The following FGD4 variants were observed in gnomAD, a reference collection of about 807,000 sequenced individuals.
The protein encoded by FGD4 is FYVE, RhoGEF and PH domain containing 4.
A neutral mutation model predicts 102.0 loss-of-function variants in FGD4; 42 were observed. The observed-to-expected ratio is 0.41, with a 90% CI of 0.32 to 0.53. The LOEUF (loss-of-function observed/expected upper bound fraction) is 0.53, where lower values mean the gene tolerates loss of function less well. Among genes scored for constraint, FGD4 ranks in the 20% least tolerant of loss-of-function variants. The pLI, the probability that FGD4 is intolerant of heterozygous loss-of-function variation, is 0.21. For synonymous variants in FGD4, 380 were observed against 375.7 expected (o/e 1.01, Z -0.13); for missense variants, 902 against 1,078.2 (o/e 0.84, Z 2.29).
At chr12:32,451,331 A>G (rs892280461) in intron 1 of FGD4, among the ~76,000 whole-genome samples, 13 of 152,190 alleles carry the variant, frequency 8.5e-5, no homozygotes, top group African/African-American at 3.1e-4. Flanking sequence ...TTTAAGGTAT[A>G]AGTAGTAAAG....
In FGD4 at chr12:32,592,508, A is replaced by C. The variant is rs904403908; in HGVS notation, c.1012-5989A>C. Among the ~76,000 whole-genome samples the C allele has an allele frequency of 1.7e-4, 26 of 152,158 alleles. 2 individuals are homozygous for C. The highest frequency in any genetic ancestry group is 2.9e-5 in the Non-Finnish European group (2 of 68,022). Reference sequence around the variant, plus strand: ...AAGGACTGCAAGAATAAATGGCTTCATGGTAAAGCGCTAAGCACAAGTAGT... The same window carrying C: ...AAGGACTGCAAGAATAAATGGCTTCCTGGTAAAGCGCTAAGCACAAGTAGT... On this transcript the variant is annotated intron_variant, in intron 4 of 16. Coordinates refer to ENST00000534526, the MANE Select transcript of FGD4 (RefSeq NM_001370298.3).
intron 7 of FGD4, among the ~76,000 whole-genome samples, chr12:32,602,705 T>C (rs1948500749): frequency 6.6e-6 from 1 of 152,220 alleles, no homozygotes; most frequent in South Asian, 2.1e-4. Context: ...TCACTTGATA[T>C]CTGTGTCCTC....
At chr12:32,582,543 G>T (rs1946701444) in intron 4 of FGD4, 76 bp downstream of exon 4, 1 of 1,570,366 alleles carries the variant, frequency 6.4e-7, no homozygotes, top group Non-Finnish European at 8.6e-7. Context: ...TTTATTTATT[G>T]CACCCCTGAA....
intron 14 of FGD4, among the ~76,000 whole-genome samples, chr12:32,631,811 C>CT (rs1950518861): frequency 6.6e-6 from 1 of 151,964 alleles, no homozygotes; most frequent in African/African-American, 2.4e-5. Context: ...GCCCAAACAG[C>CT]TTTTTTATCA....
At chr12:32,579,194 T>C (rs963242561) in intron 3 of FGD4, among the ~76,000 whole-genome samples, 3 of 152,064 alleles carry the variant, frequency 2.0e-5, no homozygotes, top group African/African-American at 4.8e-5. Flanking sequence ...TTACAAGGCA[T>C]GCACCACCAC....
At chr12:32,556,576 G>C (rs1354146794) in intron 1 of FGD4, among the ~76,000 whole-genome samples, 1 of 152,104 alleles carries the variant, frequency 6.6e-6, no homozygotes, top group South Asian at 2.1e-4. Context: ...AGAATTTCCT[G>C]CTGGGCGCAG....
chr12:32,575,041 A>G (rs1946015530), intron 2 of FGD4, among the ~76,000 whole-genome samples: 1 of 152,184 alleles, frequency 6.6e-6, no homozygotes, highest in South Asian at 2.1e-4. Flanking sequence ...CACTTACGGC[A>G]TATTATTTTA....
chr12:32,481,186 C>T (rs1943754123), intron 1 of FGD4, among the ~76,000 whole-genome samples: 2 of 138,830 alleles, frequency 1.4e-5, no homozygotes, highest in South Asian at 4.9e-4. Context: ...TGCCTGTAAT[C>T]CCAGTACTTT....
chr12:32,424,950 C>A (rs971333820), intron 1 of FGD4, among the ~76,000 whole-genome samples: 2 of 151,900 alleles, frequency 1.3e-5, no homozygotes, highest in African/African-American at 4.8e-5. Flanking sequence ...TGTTTAAGTT[C>A]TTTGTAGATT....
chr12:32,640,977 C>T lies in FGD4; in HGVS notation c.*444C>T, dbSNP rs1951129612. ...GGGACAGTTGAGGCTATTGTATTAA[C>T]TTATTTAATTTAGTTTATAAATCTC... On this transcript the variant is annotated 3_prime_UTR_variant, in exon 17 of 17. Coordinates refer to ENST00000534526, the MANE Select transcript of FGD4 (RefSeq NM_001370298.3). 3 of 193,514 alleles carry T rather than the reference C, an allele frequency of 1.6e-5. No individual in the cohort carries two copies. The Admixed American group carries it at 1.7e-4, about 11-fold the overall frequency. The allele number at this position is 193,514 out of a possible 1,614,324, so 12.0% of individuals were successfully genotyped here. A position where few individuals can be genotyped will look rare whatever the true frequency, so the allele number is the denominator to read the frequency against.
rs182072104 is a variant in FGD4, at chr12:32,570,638, G to A, written c.320-5628G>A. 1.9e-3 allele frequency among the ~76,000 whole-genome samples: 289 copies of A among 151,944 alleles called. 1 individual carries two copies. The highest frequency in any genetic ancestry group is 3.3e-3 in the Admixed American group (50 of 15,248). On this transcript the variant is annotated intron_variant, in intron 2 of 16. Transcript: ENST00000534526. ...TGTATTTTTAGTAGCGTGGGGTTTC[G>A]CCATGTTGTTCAGGCTGGTCTCGAA...
intron 1 of FGD4, among the ~76,000 whole-genome samples, chr12:32,409,530 G>A (rs890629795): frequency 6.6e-6 from 1 of 150,482 alleles, no homozygotes; most frequent in Non-Finnish European, 1.5e-5. Flanking sequence ...CAGGTGATCC[G>A]CCTGCCTCGG....
At chr12:32,600,285 C>T (rs10844251) in intron 5 of FGD4, 90,385 of 246,006 alleles carry the variant, frequency 0.37, 18,612 homozygotes, top group African/African-American at 0.6. Context: ...GTGTGGTTTT[C>T]TAAAGCCAAA....
At chr12:32,400,218 G>A (rs1197152365) in intron 1 of FGD4, among the ~76,000 whole-genome samples, 1 of 152,202 alleles carries the variant, frequency 6.6e-6, no homozygotes, top group South Asian at 2.1e-4. Flanking sequence ...GAAAGTACAG[G>A]TAGAATTCTC....
chr12:32,605,457 A>G (rs777683293), intron 7 of FGD4, among the ~76,000 whole-genome samples: 27 of 152,022 alleles, frequency 1.8e-4, no homozygotes, highest in Middle Eastern at 6.8e-3. Context: ...TGCCTTCTAC[A>G]TTCTTCTTTC....
At chr12:32,521,942 A>G (rs1046477456) in intron 1 of FGD4, among the ~76,000 whole-genome samples, 7 of 152,254 alleles carry the variant, frequency 4.6e-5, no homozygotes, top group Non-Finnish European at 8.8e-5. Context: ...TTGTTTCAAC[A>G]TGATTACTAA....
intron 11 of FGD4, among the ~76,000 whole-genome samples, chr12:32,620,494 C>T (rs1949741620): frequency 6.6e-6 from 1 of 150,404 alleles, no homozygotes; most frequent in African/African-American, 2.4e-5. Flanking sequence ...CTAACATTCC[C>T]CTAGCCATAA....
intron 1 of FGD4, among the ~76,000 whole-genome samples, chr12:32,473,859 G>C (rs561835381): frequency 6.6e-6 from 1 of 152,018 alleles, no homozygotes; most frequent in African/African-American, 2.4e-5. Context: ...AGGCTGAGGC[G>C]GGCAGATAAC....
At chr12:32,429,118 AT>A (rs1192888510) in intron 1 of FGD4, among the ~76,000 whole-genome samples, 2 of 151,822 alleles carry the variant, frequency 1.3e-5, no homozygotes, top group Non-Finnish European at 2.9e-5. Context: ...GGTTTTTGGA[AT>A]TTTCAGTCTT....
Sources: gnomAD v4.1 joint callset for allele counts (sites outside exome capture counted in the v4.1 genomes callset) on GRCh38, gnomAD v4.1.1 for gene constraint, MANE v1.5 for transcripts, NCBI Gene and HGNC (gene_info 2026-07-23, HGNC 2026-07-21) for gene names.